The following LMX1A variants were observed in gnomAD, a reference collection of about 807,000 sequenced individuals.
The protein encoded by LMX1A is LIM homeobox transcription factor 1 alpha.
In LMX1A, 15 loss-of-function variants were observed where a neutral mutation model predicts 49.1. That is an observed-to-expected ratio of 0.31 (90% CI 0.20 to 0.47). The LOEUF (loss-of-function observed/expected upper bound fraction) is 0.47, where lower values mean the gene tolerates loss of function less well. LMX1A is among the 20% of genes least tolerant of loss of function. The pLI is 1.00. For missense variants in LMX1A, 372 were observed against 475.8 expected (o/e 0.78, Z 2.03); for synonymous variants, 167 against 185.7 (o/e 0.90, Z 0.82).
intron 3 of LMX1A, among the ~76,000 whole-genome samples, chr1:165,332,571 A>C (rs111281936): frequency 4.8e-4 from 73 of 152,324 alleles, no homozygotes; most frequent in Middle Eastern, 3.4e-3. Flanking sequence ...ATAATGTATA[A>C]ATATTTTTAT....
rs76478340 is a variant in LMX1A at position 165,226,629 on chromosome 1, G to A, written c.497-12816C>T. Among the ~76,000 whole-genome samples the A allele has an allele frequency of 5.3e-5, 8 of 152,316 alleles. No individual in the cohort carries two copies. In the East Asian group the frequency reaches 1.5e-3, roughly 29 times the overall value. ...CATAGGTGGCTGATGAGCTATGACA[G>A]CAGCTGGTAAAGAGGTGCTGAGCTT... is the stretch of plus-strand genomic sequence containing the variant. On this transcript the variant is annotated intron_variant, in intron 4 of 8. Coordinates refer to ENST00000342310, the MANE Select transcript of LMX1A (RefSeq NM_177398.4).
chr1:165,231,379 T>C (rs1313771703), intron 4 of LMX1A, among the ~76,000 whole-genome samples: 1 of 151,960 alleles, frequency 6.6e-6, no homozygotes, highest in East Asian at 1.9e-4. Context: ...TCATAGCTCA[T>C]GGCAGCTTTG....
chr1:165,300,383 C>A (rs564902367), intron 3 of LMX1A, among the ~76,000 whole-genome samples: 1 of 152,326 alleles, frequency 6.6e-6, no homozygotes, highest in Admixed American at 6.5e-5. Flanking sequence ...AACAGAGTTG[C>A]TCAGACTCAC....
chr1:165,305,242 T>C (rs942046067), intron 3 of LMX1A, among the ~76,000 whole-genome samples: 1 of 152,080 alleles, frequency 6.6e-6, no homozygotes, highest in African/African-American at 2.4e-5. Context: ...TCCCAGGTAA[T>C]GGGGTCGATG....
intron 4 of LMX1A, among the ~76,000 whole-genome samples, chr1:165,214,487 T>C (rs1240962006): frequency 1.3e-5 from 2 of 152,216 alleles, no homozygotes; most frequent in Non-Finnish European, 2.9e-5. Flanking sequence ...TTCTGCAAAA[T>C]AGTGATATAT....
At chr1:165,306,900 C>T (rs1200450598) in intron 3 of LMX1A, among the ~76,000 whole-genome samples, 1 of 152,236 alleles carries the variant, frequency 6.6e-6, no homozygotes, top group East Asian at 1.9e-4. Flanking sequence ...CTCCGCCTCC[C>T]CCTGCCCAGG....
At chr1:165,307,405 C>A (rs1654948260) in intron 3 of LMX1A, among the ~76,000 whole-genome samples, 1 of 152,086 alleles carries the variant, frequency 6.6e-6, no homozygotes, top group Non-Finnish European at 1.5e-5. Context: ...TCTGGATAGC[C>A]AAGGTGCCAG....
At chr1:165,215,457 C>T (rs1160106739) in intron 4 of LMX1A, among the ~76,000 whole-genome samples, 1 of 152,248 alleles carries the variant, frequency 6.6e-6, no homozygotes, top group African/African-American at 2.4e-5. Context: ...GGCTTTCCCA[C>T]AGCTGTGCCA....
intron 3 of LMX1A, among the ~76,000 whole-genome samples, chr1:165,334,620 T>G (rs1655846449): frequency 6.7e-6 from 1 of 149,508 alleles, no homozygotes; most frequent in South Asian, 2.2e-4. Flanking sequence ...TGACTAATTA[T>G]GAGGAAGCTA....
At chr1:165,232,046 G>A (rs1330344883) in intron 4 of LMX1A, among the ~76,000 whole-genome samples, 1 of 152,224 alleles carries the variant, frequency 6.6e-6, no homozygotes, top group Non-Finnish European at 1.5e-5. Context: ...ACAAGGATGT[G>A]CCATGGTGCT....
At chr1:165,228,955 T>C (rs142667191) in intron 4 of LMX1A, among the ~76,000 whole-genome samples, 159 of 152,294 alleles carry the variant, frequency 1.0e-3, no homozygotes, top group African/African-American at 3.4e-3. Flanking sequence ...GTGTCATATA[T>C]AGACCAAACA....
At chr1:165,268,067 C>T (rs1653682353) in intron 3 of LMX1A, among the ~76,000 whole-genome samples, 1 of 152,164 alleles carries the variant, frequency 6.6e-6, no homozygotes, top group Admixed American at 6.5e-5. Flanking sequence ...GGGAGGAGTA[C>T]TGGAGTGACA....
intron 3 of LMX1A, among the ~76,000 whole-genome samples, chr1:165,323,858 G>C (rs1485733413): frequency 6.6e-6 from 1 of 152,132 alleles, no homozygotes; most frequent in African/African-American, 2.4e-5. Context: ...CAAAGGCAAA[G>C]ACTTTGACTT....
At chr1:165,297,580 G>A (rs761793636) in intron 3 of LMX1A, among the ~76,000 whole-genome samples, 12 of 152,226 alleles carry the variant, frequency 7.9e-5, no homozygotes, top group Non-Finnish European at 1.5e-4. Flanking sequence ...CCACACTCCG[G>A]ATGGAGACAG....
At chr1:165,225,712 G>T (rs1261267560) in intron 4 of LMX1A, among the ~76,000 whole-genome samples, 1 of 152,218 alleles carries the variant, frequency 6.6e-6, no homozygotes, top group Non-Finnish European at 1.5e-5. Context: ...TGATTCAGTG[G>T]GTCTGGGATG....
intron 5 of LMX1A, among the ~76,000 whole-genome samples, chr1:165,211,508 G>T (rs1172557493): frequency 6.6e-6 from 1 of 152,212 alleles, no homozygotes; most frequent in Non-Finnish European, 1.5e-5. Flanking sequence ...TTTTCAGAGG[G>T]GGGCCTGAGA....
At chr1:165,221,705 C>G (rs552442092) in intron 4 of LMX1A, among the ~76,000 whole-genome samples, 61 of 152,178 alleles carry the variant, frequency 4.0e-4, no homozygotes, top group Non-Finnish European at 8.1e-4. Context: ...GCTGGCAGCC[C>G]GCCACGGCCT....
At chr1:165,265,903 A>C (rs1653605261) in intron 3 of LMX1A, among the ~76,000 whole-genome samples, 1 of 152,078 alleles carries the variant, frequency 6.6e-6, no homozygotes, top group South Asian at 2.1e-4. Flanking sequence ...CTTTCATAGC[A>C]CCTCCCGCAA....
At chr1:165,281,746 A>ATGTGTGTGTGTGTGTGTGTG (rs56913866) in intron 3 of LMX1A, among the ~76,000 whole-genome samples, 1 of 125,890 alleles carries the variant, frequency 7.9e-6, no homozygotes, top group African/African-American at 2.7e-5. Flanking sequence ...GTGTGTGTGT[A>ATGTGTGTGTGTGTGTGTGTG]TGTGTGTGTG....
Sources: allele counts gnomAD v4.1 joint callset (sites outside exome capture counted in the v4.1 genomes callset), GRCh38; gene constraint gnomAD v4.1.1; transcripts MANE v1.5; gene names NCBI Gene and HGNC (gene_info 2026-07-23, HGNC 2026-07-21).